JADE2: variants seen among roughly 807,000 people sequenced by gnomAD.
JADE2 encodes the protein jade family PHD finger 2.
In JADE2, 13 loss-of-function variants were observed where a neutral mutation model predicts 85.7. That is an observed-to-expected ratio of 0.15 (90% confidence interval 0.10 to 0.24). The LOEUF (loss-of-function observed/expected upper bound fraction) is 0.24, where lower values mean the gene tolerates loss of function less well. Among genes scored for constraint, JADE2 ranks in the 10% least tolerant of loss-of-function variants. The probability of loss-of-function intolerance (pLI) is 1.00; values close to 1 mark genes in which losing one functional copy is unlikely to be tolerated. For missense variants in JADE2, 846 were observed against 1,115.9 expected (o/e 0.76, Z 3.45); for synonymous variants, 440 against 456.1 (o/e 0.96, Z 0.45).
In JADE2 at chr5:134,564,614, T is replaced by C. The variant is rs201054669; in HGVS notation, c.969+4T>C. On this transcript the variant is annotated splice_donor_region_variant and intron_variant, in intron 8 of 11. Transcript: ENST00000681547. Reference sequence around the variant, plus strand: ...ATGCACAGGCACCTGCATCCAGGTATGTGGCCTACTTCACCTCCTGCTGCC... The same window carrying C: ...ATGCACAGGCACCTGCATCCAGGTACGTGGCCTACTTCACCTCCTGCTGCC... The C allele has an allele frequency of 3.0e-3, 4,585 of 1,530,334 alleles. 16 individuals are homozygous for C. The highest frequency in any genetic ancestry group is 2.8e-3 in the Non-Finnish European group (3,166 of 1,132,588). The allele number at this position is 1,530,334 out of a possible 1,614,324, so 94.8% of individuals were successfully genotyped here.
At chr5:134,539,043 T>TTTTTATTTTATTTATTTA (rs552925543) in intron 3 of JADE2, among the ~76,000 whole-genome samples, 1 of 134,378 alleles carries the variant, frequency 7.4e-6, no homozygotes, top group African/African-American at 2.8e-5. Context: ...TTTATTTTTA[T>TTTTTATTTTATTTATTTA]TTTATTTATT....
chr5:134,539,940 C>T (rs1407140670), intron 3 of JADE2, among the ~76,000 whole-genome samples: 2 of 152,162 alleles, frequency 1.3e-5, no homozygotes, highest in African/African-American at 2.4e-5. Context: ...GACCTGATGC[C>T]CCATCCCCCA....
intron 4 of JADE2, among the ~76,000 whole-genome samples, chr5:134,555,408 C>T (rs1762854981): frequency 6.6e-6 from 1 of 152,244 alleles, no homozygotes; most frequent in African/African-American, 2.4e-5. Context: ...GTCCTGGCTA[C>T]AGCTGAGGGT....
Position 134,580,629 on chromosome 5 carries a change from C to T in JADE2, c.*1312C>T, listed in dbSNP as rs1437189596. On this transcript the variant is annotated 3_prime_UTR_variant, in exon 12 of 12. Transcript: ENST00000681547. ...ACTTCCACCACTGGTAAAGCCAGAA[C>T]TTCTCCAAAAAGAACCTTGCAAAAA... 1 of 152,266 alleles carries T rather than the reference C, an allele frequency of 6.6e-6. No homozygotes were observed. Among genetic ancestry groups the T allele is most frequent in the African/African-American group, 2.4e-5 (1 of 41,360 alleles). 9.4% of individuals were successfully genotyped at this position (152,266 alleles called of 1,614,324 possible).
chr5:134,526,824 C>T, intron 1 of JADE2: 1 of 910,832 alleles, frequency 1.1e-6, no homozygotes, highest in Non-Finnish European at 1.3e-6. Context: ...CAGCCTCCAC[C>T]TCCGGGGCCG....
In JADE2 at chr5:134,572,519, G is replaced by A. The variant is rs117208817; in HGVS notation, c.1435-1126G>A. Among the ~76,000 whole-genome samples the A allele has an allele frequency of 5.6e-3, 857 of 152,364 alleles. 5 individuals carry two copies. Among genetic ancestry groups the A allele is most frequent in the Middle Eastern group, 0.054 (16 of 294 alleles). On this transcript the variant is annotated intron_variant, in intron 9 of 11. Coordinates refer to ENST00000681547, the MANE Select transcript of JADE2 (RefSeq NM_001388185.1). ...AGAGGTCACCCCAGCTTAAGGACAT[G>A]AAGGCTGAACTCAGCCTTGAAGATG...
At chr5:134,564,429 T>G in intron 7 of JADE2, 65 bp from the exon 8 acceptor site, 1 of 1,104,874 alleles carries the variant, frequency 9.1e-7, no homozygotes, top group Non-Finnish European at 1.3e-6. Context: ...AAACCCCCAT[T>G]TTGGAGATCC....
intron 1 of JADE2, among the ~76,000 whole-genome samples, chr5:134,530,092 C>T (rs1761136604): frequency 6.6e-6 from 1 of 152,218 alleles, no homozygotes; most frequent in Admixed American, 6.5e-5. Flanking sequence ...ATTTTTGTAA[C>T]TGCAATTACT....
In JADE2 at chr5:134,562,344, A is replaced by T. The variant is rs1177811927; in HGVS notation, c.829A>T (p.Ser277Cys). 6.2e-7 allele frequency: 1 copy of T among 1,613,494 alleles called. No homozygotes were observed. Among genetic ancestry groups the T allele is most frequent in the African/African-American group, 1.3e-5 (1 of 75,018 alleles). Reference sequence around the variant, plus strand: ...AAGTGGGACCAAGTGGGTGCATGTCAGCTGTGCCCTATGGATTCCTGAGGT... The same window carrying T: ...AAGTGGGACCAAGTGGGTGCATGTCTGCTGTGCCCTATGGATTCCTGAGGT... ...TRSGTKWVHVSCALWIPEVSI... is the reference protein window; with the variant it reads ...TRSGTKWVHVCCALWIPEVSI... The change falls in exon 7 of 12, where the codon AGC (serine) becomes TGC (cysteine). Residue 277 changes from serine (S) to cysteine (C), a missense_variant. Physicochemically the swap from Ser to Cys is moderately radical, Grantham distance 112 (BLOSUM62 -1). This residue lies in a region of JADE2 where 129 missense variants were observed against 255.4 expected (regional missense o/e 0.51). Transcript: ENST00000681547. This position sits in a 1 kb window ranked among gnomAD's most constrained non-coding sequence, Gnocchi z 4.6.
intron 3 of JADE2, 79 bp from the exon 4 acceptor site, chr5:134,551,973 T>TCTG: frequency 7.3e-7 from 1 of 1,376,244 alleles, no homozygotes; most frequent in Admixed American, 1.9e-5. Context: ...GTTGCATGTA[T>TCTG]CTGCCTCTTC....
chr5:134,568,416 C>T (rs1455530939), intron 9 of JADE2, among the ~76,000 whole-genome samples: 2 of 152,214 alleles, frequency 1.3e-5, no homozygotes, highest in Admixed American at 6.5e-5. Flanking sequence ...ATCTTCCCAC[C>T]CCAGTGTTGG....
rs779013938 is a variant in JADE2, at chr5:134,579,080, C to T, written c.2268C>T (p.Arg756=). The T allele has an allele frequency of 1.1e-5, 17 of 1,613,842 alleles. No individual in the cohort carries two copies. In the Admixed American group the frequency reaches 1.5e-4, roughly 14 times the overall value. The change falls in exon 12 of 12, where the codon CGC becomes CGT. Residue 756 remains arginine, a synonymous_variant. Transcript: ENST00000681547. The surrounding 1 kb of genome is among the most constrained non-coding windows in gnomAD (Gnocchi z 4.6). ...CTTTGGGCCGGCTCCGGCCACCCCG[C>T]GAGAGCAAGGTAACCCGGAGATTGC... The part of the protein sequence containing the change: ...PKPLGRLRPP[R]ESKVTRRLPG...
chr5:134,563,274 C>T (rs576368598), intron 7 of JADE2, among the ~76,000 whole-genome samples: 9 of 151,278 alleles, frequency 5.9e-5, no homozygotes, highest in East Asian at 1.9e-4. Flanking sequence ...GCCGAGATCG[C>T]GCCACTGCAC....
At chr5:134,539,254 G>C (rs1455186025) in intron 3 of JADE2, among the ~76,000 whole-genome samples, 1 of 152,006 alleles carries the variant, frequency 6.6e-6, no homozygotes, top group Non-Finnish European at 1.5e-5. Flanking sequence ...TAGTAGAGAC[G>C]GGGTTTCACC....
intron 3 of JADE2, among the ~76,000 whole-genome samples, chr5:134,542,893 G>A (rs111513000): frequency 4.0e-5 from 6 of 150,422 alleles, no homozygotes; most frequent in Middle Eastern, 3.6e-3. Flanking sequence ...CCACCATGCC[G>A]GGCTAATTTT....
intron 4 of JADE2, among the ~76,000 whole-genome samples, chr5:134,557,513 A>C (rs1581445713): frequency 8.7e-6 from 1 of 114,788 alleles, no homozygotes; most frequent in Non-Finnish European, 1.8e-5. Context: ...TATATCTCCC[A>C]ATGCTATCCC....
chr5:134,566,109 C>T lies in JADE2; in HGVS notation c.970-7C>T, dbSNP rs766055415. 6.2e-7 allele frequency: 1 copy of T among 1,608,168 alleles called. No individual in the cohort carries two copies. The highest frequency in any genetic ancestry group is 1.1e-5 in the South Asian group (1 of 90,284). ...CATGTCTGATCCTGCCCCTCCTTTC[C>T]CCTCAGTGTTCCATGCCTTCCTGCG... On this transcript the variant is annotated splice_polypyrimidine_tract_variant and splice_region_variant and intron_variant, in intron 8 of 11. Coordinates refer to ENST00000681547, the MANE Select transcript of JADE2 (RefSeq NM_001388185.1). This position sits in a 1 kb window ranked among gnomAD's most constrained non-coding sequence, Gnocchi z 6.7.
chr5:134,529,392 A>G (rs1365888144), intron 1 of JADE2, among the ~76,000 whole-genome samples: 1 of 152,172 alleles, frequency 6.6e-6, no homozygotes, highest in African/African-American at 2.4e-5. Flanking sequence ...AGGCCTGTAC[A>G]CTTCAGCCCA....
chr5:134,566,455 G>T lies in JADE2; in HGVS notation c.1309G>T (p.Ala437Ser). The change falls in exon 9 of 12, where the codon GCC becomes TCC. Residue 437 changes from alanine to serine, a missense_variant. Physicochemically the swap from Ala to Ser is moderately conservative, Grantham distance 99. Around this residue, in one of 9 missense-constraint regions of JADE2, gnomAD observed 88 missense variants for 140.6 expected, o/e 0.63. Transcript: ENST00000681547. This position sits in a 1 kb window ranked among gnomAD's most constrained non-coding sequence, Gnocchi z 6.7. ...CCAGTACTGGAAGCTGAAGAGGAAA[G>T]CCAATGCCAACCAGCCGCTGCTGAC... ...IYQYWKLKRKANANQPLLTPK... is the reference protein window; with the variant it reads ...IYQYWKLKRKSNANQPLLTPK... 1 of 1,613,790 alleles carries T rather than the reference G, an allele frequency of 6.2e-7. No individual in the cohort carries two copies. The highest frequency in any genetic ancestry group is 8.5e-7 in the Non-Finnish European group (1 of 1,179,884).
Sources: allele counts gnomAD v4.1 joint callset (sites outside exome capture counted in the v4.1 genomes callset), GRCh38; gene constraint gnomAD v4.1.1; regional missense constraint gnomAD v4.1.1; non-coding constraint Gnocchi (gnomAD v3.1); transcripts MANE v1.5; gene names NCBI Gene and HGNC (gene_info 2026-07-23, HGNC 2026-07-21).